Variants in CACHD1 observed in about 807,000 individuals in gnomAD.
The protein encoded by CACHD1 is VWFA and cache domain-containing protein 1.
A neutral mutation model predicts 138.7 loss-of-function variants in CACHD1; 71 were observed. The ratio of observed to expected loss-of-function variants is 0.51; its 90% CI spans 0.42 to 0.62. CACHD1 has a LOEUF of 0.62. Among genes scored for constraint, CACHD1 ranks in the 20% least tolerant of loss-of-function variants. The probability of loss-of-function intolerance (pLI) is 0.00; values close to 1 mark genes in which losing one functional copy is unlikely to be tolerated. For missense variants in CACHD1, 1,389 were observed against 1,625.3 expected (o/e 0.85, Z 2.50); for synonymous variants, 578 against 591.5 (o/e 0.98, Z 0.33).
At chr1:64,663,596 A>C in intron 13 of CACHD1, 99 bp from the exon 14 acceptor site, 2 of 1,372,244 alleles carry the variant, frequency 1.5e-6, no homozygotes, top group Non-Finnish European at 2.0e-6. Flanking sequence ...ACATTAAGCC[A>C]CCATAGCTGA....
chr1:64,681,730 T>C (rs1014907749), intron 25 of CACHD1, among the ~76,000 whole-genome samples: 1 of 152,026 alleles, frequency 6.6e-6, no homozygotes, highest in Admixed American at 6.6e-5. Flanking sequence ...ATTTTCTTTA[T>C]CAAAAGAGAT....
chr1:64,678,141 G>A lies in CACHD1; in HGVS notation c.3093-18G>A. 1 of 1,608,354 alleles carries A rather than the reference G, an allele frequency of 6.2e-7. No individual in the cohort carries two copies. ...CCCACACTGCTTTATAGAAGACTAAGTATTGTTTTTCTGGCAGGGACTGTT... is the reference window on the plus strand; with the variant it reads ...CCCACACTGCTTTATAGAAGACTAAATATTGTTTTTCTGGCAGGGACTGTT... On this transcript the variant is annotated intron_variant, in intron 22 of 26. Transcript: ENST00000651257.
At chr1:64,608,208 T>C (rs953831033) in intron 4 of CACHD1, among the ~76,000 whole-genome samples, 2 of 152,194 alleles carry the variant, frequency 1.3e-5, no homozygotes, top group Admixed American at 6.5e-5. Context: ...CTTGCTTGCA[T>C]TTGAAGTTTT....
intron 1 of CACHD1, among the ~76,000 whole-genome samples, chr1:64,512,164 C>T (rs534966585): frequency 3.3e-5 from 5 of 152,106 alleles, no homozygotes; most frequent in Non-Finnish European, 5.9e-5. Context: ...AAGGCCAAGG[C>T]GGGTGGATCA....
Position 64,625,117 on chromosome 1 carries a change from AAGGAAAGTT to A in CACHD1, c.518-4237_518-4229del, listed in dbSNP as rs1648050557. ...GTTGGTCGATCACTGTACCAGACTG[AAGGAAAGTT>A]TCTATACAGAGATCTGGTCATTTAA... On this transcript the variant is annotated intron_variant, in intron 4 of 26. Transcript: ENST00000651257. Among the ~76,000 whole-genome samples, 6 of 152,360 alleles carry A rather than the reference AAGGAAAGTT, an allele frequency of 3.9e-5. No homozygotes were observed. In the South Asian group the frequency reaches 1.2e-3, roughly 32 times the overall value.
rs1308060773 is a variant in CACHD1 at position 64,658,877 on chromosome 1, A to C, written c.1951+4A>C. The C allele has an allele frequency of 1.3e-6, 2 of 1,554,244 alleles. No individual in the cohort carries two copies. The highest frequency in any genetic ancestry group is 1.7e-6 in the Non-Finnish European group (2 of 1,148,784). On this transcript the variant is annotated splice_donor_region_variant and intron_variant, in intron 13 of 26. Coordinates refer to ENST00000651257, the MANE Select transcript of CACHD1 (RefSeq NM_020925.4). ...TTCAAACAGCTGGCAACCCTAGGTA[A>C]AGCCCTTACACTTCCTTCACATTCT...
intron 24 of CACHD1, among the ~76,000 whole-genome samples, chr1:64,680,317 C>T (rs960164799): frequency 5.9e-5 from 9 of 152,146 alleles, no homozygotes; most frequent in Admixed American, 2.6e-4. Flanking sequence ...GGTGAAACCC[C>T]GCCTCTACTA....
At chr1:64,559,981 T>C (rs2100480128) in intron 2 of CACHD1, among the ~76,000 whole-genome samples, 2 of 152,344 alleles carry the variant, frequency 1.3e-5, no homozygotes, top group Middle Eastern at 6.8e-3. Context: ...GTCAAATTTG[T>C]TGGCATAAAG....
At chr1:64,510,477 A>T (rs1646411697) in intron 1 of CACHD1, among the ~76,000 whole-genome samples, 1 of 152,188 alleles carries the variant, frequency 6.6e-6, no homozygotes. Flanking sequence ...GTTATGGAGA[A>T]AAAAAGAGGG....
At chr1:64,584,676 T>A (rs1647037080) in intron 3 of CACHD1, among the ~76,000 whole-genome samples, 1 of 152,194 alleles carries the variant, frequency 6.6e-6, no homozygotes, top group African/African-American at 2.4e-5. Context: ...TGAGTTGGCC[T>A]CCCCTTCTGT....
At chr1:64,632,024 C>T (rs1648323258) in intron 5 of CACHD1, among the ~76,000 whole-genome samples, 1 of 151,988 alleles carries the variant, frequency 6.6e-6, no homozygotes, top group Non-Finnish European at 1.5e-5. Flanking sequence ...CTAACCAAGC[C>T]CCACTCTGCA....
intron 1 of CACHD1, among the ~76,000 whole-genome samples, chr1:64,482,258 T>C (rs746946516): frequency 2.9e-4 from 44 of 152,186 alleles, no homozygotes; most frequent in Admixed American, 1.1e-3. Flanking sequence ...ATTTTTTTTT[T>C]CCCCACTTGG....
In CACHD1 at chr1:64,681,319, C is replaced by G. The variant is rs3828064; in HGVS notation, c.3468C>G (p.His1156Gln). ...NDRDERDDDSHEDRGIISNTR... is the reference protein window; with the variant it reads ...NDRDERDDDSQEDRGIISNTR... ...GAGATGAAAGGGACGACGACAGCCACGAAGACAGAGGCATCAGTGAGTATT... is the reference window on the plus strand; with the variant it reads ...GAGATGAAAGGGACGACGACAGCCAGGAAGACAGAGGCATCAGTGAGTATT... Residue 1156 changes from histidine to glutamine, a missense_variant, in exon 25 of 27, where the codon CAC (histidine) becomes CAG (glutamine). His to Gln is a conservative substitution (Grantham distance 24). Transcript: ENST00000651257. The G allele has an allele frequency of 2.5e-6, 4 of 1,613,460 alleles. No homozygotes were observed. The highest frequency in any genetic ancestry group is 1.7e-4 in the Middle Eastern group (1 of 6,058).
intron 12 of CACHD1, among the ~76,000 whole-genome samples, chr1:64,658,238 C>T (rs1190658834): frequency 6.6e-6 from 1 of 152,314 alleles, no homozygotes; most frequent in Middle Eastern, 3.4e-3. Flanking sequence ...ATTGGCTGCT[C>T]CTCAGTCCTT....
At chr1:64,628,758 C>T (rs1648201866) in intron 4 of CACHD1, among the ~76,000 whole-genome samples, 1 of 152,086 alleles carries the variant, frequency 6.6e-6, no homozygotes, top group Admixed American at 6.5e-5. Context: ...ACAATACCAC[C>T]CACATCTTGG....
chr1:64,684,591 A>G lies in CACHD1; in HGVS notation c.3586+2485A>G, dbSNP rs538583822. Among the ~76,000 whole-genome samples the G allele has an allele frequency of 9.9e-4, 151 of 152,168 alleles. 1 individual carries two copies. The highest frequency in any genetic ancestry group is 2.0e-3 in the Non-Finnish European group (134 of 68,002). The stretch of plus-strand genomic sequence containing the variant: ...AAAGTTTATAAAGCAAAAAAGTTAC[A>G]GTAAGCAAAGGTTTATTATTGAAGA... On this transcript the variant is annotated intron_variant, in intron 26 of 26. Transcript: ENST00000651257.
chr1:64,688,196 C>T (rs1650427618), intron 26 of CACHD1, among the ~76,000 whole-genome samples: 1 of 152,040 alleles, frequency 6.6e-6, no homozygotes, highest in Admixed American at 6.6e-5. Flanking sequence ...TGTAAATGAG[C>T]AGAGACGGGA....
chr1:64,536,829 T>C (rs1341560727), intron 1 of CACHD1, among the ~76,000 whole-genome samples: 1 of 152,228 alleles, frequency 6.6e-6, no homozygotes, highest in Admixed American at 6.5e-5. Context: ...GATGCTGTCT[T>C]AGCTGGTCAT....
chr1:64,653,079 C>T (rs948280383), intron 10 of CACHD1, among the ~76,000 whole-genome samples: 1 of 152,064 alleles, frequency 6.6e-6, no homozygotes, highest in African/African-American at 2.4e-5. Context: ...GAGATCATGT[C>T]CTTTGCAGAA....
Sources: allele counts gnomAD v4.1 joint callset (sites outside exome capture counted in the v4.1 genomes callset), GRCh38; gene constraint gnomAD v4.1.1; transcripts MANE v1.5; gene names NCBI Gene and HGNC (gene_info 2026-07-23, HGNC 2026-07-21).